The following OR2B11 variants were observed in gnomAD, a reference collection of about 807,000 sequenced individuals.
OR2B11 encodes the protein olfactory receptor 2B11.
For synonymous variants in OR2B11, 198 were observed against 174.5 expected, an observed-to-expected ratio of 1.13 and a Z score of -1.06; for missense variants, 422 against 400.0, an observed-to-expected ratio of 1.05 and a Z score of -0.47.
rs867323077 is a variant in OR2B11 at position 247,457,840 on chromosome 1, C to G, written c.-3284G>C. On this transcript the variant is annotated 5_prime_UTR_variant, in exon 1 of 2. Transcript: ENST00000641149. Reference sequence around the variant, plus strand: ...CTGGAACCCAACCCTCTGAGCAAGTCTGAGAGATTATTCTCAGTCTAGAAG... The same window carrying G: ...CTGGAACCCAACCCTCTGAGCAAGTGTGAGAGATTATTCTCAGTCTAGAAG... 1.3e-5 allele frequency: 2 copies of G among 152,198 alleles called. No homozygotes were observed. The highest frequency in any genetic ancestry group is 1.3e-4 in the Admixed American group (2 of 15,266). 9.4% of individuals were successfully genotyped at this position (152,198 alleles called of 1,614,324 possible). A position where few individuals can be genotyped will look rare whatever the true frequency, so the allele number is the denominator to read the frequency against.
Position 247,453,274 on chromosome 1 carries a change from GA to G in OR2B11, c.-1293del, listed in dbSNP as rs1259698640. 7.2e-5 allele frequency: 11 copies of G among 152,280 alleles called. No individual in the cohort carries two copies. The East Asian group carries it at 2.1e-3, about 29-fold the overall frequency. 9.4% of individuals were successfully genotyped at this position (152,280 alleles called of 1,614,324 possible). A position where few individuals can be genotyped will look rare whatever the true frequency, so the allele number is the denominator to read the frequency against. On this transcript the variant is annotated 5_prime_UTR_variant, in exon 2 of 2. Transcript: ENST00000641149. ...ACAGGTGTTCCCTGCTGCCCCAGTT[GA>G]TGTTCTGAAGAACTCTACTGTTACT...
rs1664821268 is a variant in OR2B11 at position 247,450,537 on chromosome 1, A to T, written c.*492T>A. 1 of 152,324 alleles carries T rather than the reference A, an allele frequency of 6.6e-6. No individual in the cohort carries two copies. Among genetic ancestry groups the T allele is most frequent in the Non-Finnish European group, 1.5e-5 (1 of 68,100 alleles). 9.4% of individuals were successfully genotyped at this position (152,324 alleles called of 1,614,324 possible). A position where few individuals can be genotyped will look rare whatever the true frequency, so the allele number is the denominator to read the frequency against. On this transcript the variant is annotated 3_prime_UTR_variant, in exon 2 of 2. Transcript: ENST00000641149. ...AAATGTGAACTACAGAGAAAAAAAA[A>T]TCAAAATCACAGGAAGAAGATAGCA...
In OR2B11 at chr1:247,450,876, G is replaced by C. The variant is rs914911779; in HGVS notation, c.*153C>G. ...GTTTAAAATGAACTTTGTCGCTATG[G>C]GATTTGGGGCATTATAACAGGAAGT... On this transcript the variant is annotated 3_prime_UTR_variant, in exon 2 of 2. Coordinates refer to ENST00000641149, the MANE Select transcript of OR2B11 (RefSeq NM_001004492.2). The C allele has an allele frequency of 2.1e-6, 1 of 476,512 alleles. No homozygotes were observed. Among genetic ancestry groups the C allele is most frequent in the African/African-American group, 2.0e-5 (1 of 50,676 alleles). The allele number at this position is 476,512 out of a possible 1,614,324, so 29.5% of individuals were successfully genotyped here.
Position 247,454,175 on chromosome 1 carries a change from GCA to G in OR2B11, c.-2195_-2194del, listed in dbSNP as rs1461855219. 7 of 61,694 alleles carry G rather than the reference GCA, an allele frequency of 1.1e-4. No individual in the cohort carries two copies. Among genetic ancestry groups the G allele is most frequent in the Non-Finnish European group, 2.1e-4 (7 of 33,538 alleles). The allele number at this position is 61,694 out of a possible 1,614,324, so 3.8% of individuals were successfully genotyped here. ...CACGTGCACACACATGCATGCACGT[GCA>G]CACGCACACACACACACACACACAC... On this transcript the variant is annotated 5_prime_UTR_variant, in exon 2 of 2. An upstream open reading frame in the 5' UTR gains an earlier in-frame stop. Transcript: ENST00000641149.
chr1:247,451,742 T>C lies in OR2B11; in HGVS notation c.241A>G (p.Thr81Ala). ...ATGTTGACCAGCATCTGAGGGACTG[T>C]CGTGGTGGTGTAGCAGAGGTCCAGG... ...SFLDLCYTTT[T>A]VPQMLVNMGS... Residue 81 changes from threonine (T) to alanine (A), a missense_variant, in exon 2 of 2, where the codon ACA (threonine) becomes GCA (alanine). Transcript: ENST00000641149. 1 of 1,614,130 alleles carries C rather than the reference T, an allele frequency of 6.2e-7. No individual in the cohort carries two copies. The highest frequency in any genetic ancestry group is 8.5e-7 in the Non-Finnish European group (1 of 1,180,014).
rs1367604151 is a variant in OR2B11 at position 247,452,675 on chromosome 1, T to A, written c.-693A>T. 6.5e-6 allele frequency: 1 copy of A among 153,062 alleles called. No homozygotes were observed. The highest frequency in any genetic ancestry group is 1.5e-5 in the Non-Finnish European group (1 of 68,372). The allele number at this position is 153,062 out of a possible 1,614,324, so 9.5% of individuals were successfully genotyped here. ...GCAGCACAATTCTAGGTCCTGTGAG[T>A]CTCTGGAGTGGAAGAGCCAAGGTAT... On this transcript the variant is annotated 5_prime_UTR_variant, in exon 2 of 2. Transcript: ENST00000641149.
intron 1 of OR2B11, among the ~76,000 whole-genome samples, chr1:247,456,841 T>G (rs1167484660): frequency 1.3e-5 from 2 of 152,186 alleles, no homozygotes; most frequent in Non-Finnish European, 2.9e-5. Flanking sequence ...GTCCCACTAA[T>G]GAGAACATGA....
rs148864378 is a variant in OR2B11 at position 247,451,101 on chromosome 1, G to T, written c.882C>A (p.Tyr294Ter). The change falls in exon 2 of 2, where the codon TAC becomes TAA. Residue 294 changes from tyrosine to a stop codon, truncating the protein, a stop_gained. Coordinates refer to ENST00000641149, the MANE Select transcript of OR2B11 (RefSeq NM_001004492.2). LOFTEE classifies it low-confidence loss of function (END_TRUNC). ...IITPTLNPFT[Y>*]TLRNKDMKGA... Reference sequence around the variant, plus strand: ...CCTTCATATCTTTATTTCTCAGGGTGTAGGTGAAGGGATTGAGAGTGGGGG... The same window carrying T: ...CCTTCATATCTTTATTTCTCAGGGTTTAGGTGAAGGGATTGAGAGTGGGGG... 2 of 1,516,332 alleles carry T rather than the reference G, an allele frequency of 1.3e-6. No individual in the cohort carries two copies. Among genetic ancestry groups the T allele is most frequent in the African/African-American group, 1.4e-5 (1 of 71,672 alleles). 93.9% of individuals were successfully genotyped at this position (1,516,332 alleles called of 1,614,324 possible).
rs1182195793 is a variant in OR2B11, at chr1:247,450,385, G to C, written c.*644C>G. The C allele has an allele frequency of 6.6e-6, 1 of 152,224 alleles. No individual in the cohort carries two copies. The highest frequency in any genetic ancestry group is 6.5e-5 in the Admixed American group (1 of 15,280). The allele number at this position is 152,224 out of a possible 1,614,324, so 9.4% of individuals were successfully genotyped here. ...TTATTTTCCTCTGGGTAGATGCCCC[G>C]TAGTGGGATTGCTGGATCAAATGGT... is the stretch of plus-strand genomic sequence containing the variant. On this transcript the variant is annotated 3_prime_UTR_variant, in exon 2 of 2. Coordinates refer to ENST00000641149, the MANE Select transcript of OR2B11 (RefSeq NM_001004492.2).
chr1:247,452,025 G>A lies in OR2B11; in HGVS notation c.-43C>T, dbSNP rs748305904. Reference sequence around the variant, plus strand: ...CACTTGTGGCAAATTGAGAAAATTGGAATGAATAATACCTGAGAAGAGGAA... The same window carrying A: ...CACTTGTGGCAAATTGAGAAAATTGAAATGAATAATACCTGAGAAGAGGAA... On this transcript the variant is annotated 5_prime_UTR_variant, in exon 2 of 2. Coordinates refer to ENST00000641149, the MANE Select transcript of OR2B11 (RefSeq NM_001004492.2). The A allele has an allele frequency of 5.8e-6, 7 of 1,199,052 alleles. No individual in the cohort carries two copies. The East Asian group carries it at 1.2e-4, about 20-fold the overall frequency. The allele number at this position is 1,199,052 out of a possible 1,614,324, so 74.3% of individuals were successfully genotyped here.
rs1664829123 is a variant in OR2B11 at position 247,451,023 on chromosome 1, T to C, written c.*6A>G. On this transcript the variant is annotated 3_prime_UTR_variant, in exon 2 of 2. Transcript: ENST00000641149. ...ATTGATGGAGATGCTACATCTCATG[T>C]CCTCATCATCCACAGAGCCTCCAGA... The C allele has an allele frequency of 1.4e-6, 2 of 1,448,252 alleles. No individual in the cohort carries two copies. The highest frequency in any genetic ancestry group is 1.9e-6 in the Non-Finnish European group (2 of 1,080,574). The allele number at this position is 1,448,252 out of a possible 1,614,324, so 89.7% of individuals were successfully genotyped here. A position where few individuals can be genotyped will look rare whatever the true frequency, so the allele number is the denominator to read the frequency against.
rs113389237 is a variant in OR2B11, at chr1:247,450,869, C to T, written c.*160G>A. The T allele has an allele frequency of 1.5e-5, 7 of 468,046 alleles. No homozygotes were observed. Among genetic ancestry groups the T allele is most frequent in the Admixed American group, 6.2e-5 (2 of 32,266 alleles). 29.0% of individuals were successfully genotyped at this position (468,046 alleles called of 1,614,324 possible). On this transcript the variant is annotated 3_prime_UTR_variant, in exon 2 of 2. Transcript: ENST00000641149. ...ATTATACGTTTAAAATGAACTTTGT[C>T]GCTATGGGATTTGGGGCATTATAAC... is the stretch of plus-strand genomic sequence containing the variant.
rs1205655473 is a variant in OR2B11 at position 247,450,887 on chromosome 1, A to G, written c.*142T>C. The stretch of plus-strand genomic sequence containing the variant: ...ACTTTGTCGCTATGGGATTTGGGGC[A>G]TTATAACAGGAAGTGAGATGTTTGA... On this transcript the variant is annotated 3_prime_UTR_variant, in exon 2 of 2. Coordinates refer to ENST00000641149, the MANE Select transcript of OR2B11 (RefSeq NM_001004492.2). 2.0e-6 allele frequency: 1 copy of G among 488,794 alleles called. No individual in the cohort carries two copies. The highest frequency in any genetic ancestry group is 3.6e-6 in the Non-Finnish European group (1 of 277,504). The allele number at this position is 488,794 out of a possible 1,614,324, so 30.3% of individuals were successfully genotyped here.
At chr1:247,457,537 C>T (rs72655376) in intron 1 of OR2B11, 102 bp downstream of exon 1, 15,536 of 152,438 alleles carry the variant, frequency 0.1, 853 homozygotes, top group Non-Finnish European at 0.12. Flanking sequence ...ACCTCATGTG[C>T]CCTTGGTCTC....
At position 247,451,865 on chromosome 1, in the gene OR2B11, C is replaced by T. The variant is rs778006675; in HGVS notation, c.118G>A (p.Val40Met). 7 of 1,614,090 alleles carry T rather than the reference C, an allele frequency of 4.3e-6. No individual in the cohort carries two copies. The South Asian group carries it at 4.4e-5, about 10-fold the overall frequency. ...PLFVVLLLSY[V>M]LAMLGNVAII... Reference sequence around the variant, plus strand: ...GCGACGTTCCCCAACATGGCCAGCACATAGGACAGCAGGAGGACCACAAAG... The same window carrying T: ...GCGACGTTCCCCAACATGGCCAGCATATAGGACAGCAGGAGGACCACAAAG... The change falls in exon 2 of 2, where the codon GTG becomes ATG. Residue 40 changes from valine to methionine, a missense_variant. Val to Met is a conservative substitution (Grantham distance 21). Transcript: ENST00000641149.
Position 247,451,245 on chromosome 1 carries a change from G to A in OR2B11, c.738C>T (p.Ser246=), listed in dbSNP as rs1037042590. ...KGRHKAFGTC[S]SHLMIVSLFY... The stretch of plus-strand genomic sequence containing the variant: ...AGAGGGAGACGATCATCAGGTGGGA[G>A]GAACACGTCCCAAAGGCCTTGTGTC... The change falls in exon 2 of 2, where the codon TCC becomes TCT. Residue 246 remains serine (S), a synonymous_variant. Coordinates refer to ENST00000641149, the MANE Select transcript of OR2B11 (RefSeq NM_001004492.2). 1.2e-6 allele frequency: 2 copies of A among 1,606,626 alleles called. No homozygotes were observed. Among genetic ancestry groups the A allele is most frequent in the Non-Finnish European group, 1.7e-6 (2 of 1,174,302 alleles).
Position 247,451,338 on chromosome 1 carries a change from CA to C in OR2B11, c.644del (p.Leu215ArgfsTer35). On this transcript the variant is annotated frameshift_variant, in exon 2 of 2. Transcript: ENST00000641149. LOFTEE classifies it low-confidence loss of function (END_TRUNC). ...AGCCATAGGAGAGAAGGATGAGAGCCAGGGGCACCAACACGAAGAAGGCCAC... is the reference window on the plus strand; with the variant it reads ...AGCCATAGGAGAGAAGGATGAGAGCCGGGGCACCAACACGAAGAAGGCCAC... ...VLVAFFVLVP[L>X]ALILLSYGFI... 1 of 1,614,174 alleles carries C rather than the reference CA, an allele frequency of 6.2e-7. No individual in the cohort carries two copies. The highest frequency in any genetic ancestry group is 8.5e-7 in the Non-Finnish European group (1 of 1,180,042).
rs1272889578 is a variant in OR2B11 at position 247,450,514 on chromosome 1, A to G, written c.*515T>C. The stretch of plus-strand genomic sequence containing the variant: ...ATGGAAAAACTTTCTATAGAAGAAA[A>G]TGTGAACTACAGAGAAAAAAAAATC... On this transcript the variant is annotated 3_prime_UTR_variant, in exon 2 of 2. Coordinates refer to ENST00000641149, the MANE Select transcript of OR2B11 (RefSeq NM_001004492.2). The G allele has an allele frequency of 6.6e-6, 1 of 152,280 alleles. No individual in the cohort carries two copies. The highest frequency in any genetic ancestry group is 2.4e-5 in the African/African-American group (1 of 41,470). The allele number at this position is 152,280 out of a possible 1,614,324, so 9.4% of individuals were successfully genotyped here. A position where few individuals can be genotyped will look rare whatever the true frequency, so the allele number is the denominator to read the frequency against.
At chr1:247,456,213 G>C (rs1664962635) in intron 1 of OR2B11, among the ~76,000 whole-genome samples, 2 of 152,130 alleles carry the variant, frequency 1.3e-5, no homozygotes, top group Non-Finnish European at 2.9e-5. Flanking sequence ...TCCAATGCCG[G>C]TTCACATGGA....
Sources: allele counts gnomAD v4.1 joint callset (sites outside exome capture counted in the v4.1 genomes callset), GRCh38; gene constraint gnomAD v4.1.1; transcripts MANE v1.5; gene names NCBI Gene and HGNC (gene_info 2026-07-23, HGNC 2026-07-21).